Variants in HACL1 observed in about 807,000 individuals in gnomAD.
HACL1 encodes the protein 1600020H07Rik.
A neutral mutation model predicts 74.2 loss-of-function variants in HACL1; 64 were observed. The observed-to-expected ratio is 0.86, with a 90% confidence interval of 0.70 to 1.06. HACL1 has a LOEUF of 1.06. HACL1 is among the 50% of genes least tolerant of loss of function. The probability of loss-of-function intolerance (pLI) is 0.00; values close to 1 mark genes in which losing one functional copy is unlikely to be tolerated. For missense variants in HACL1, 728 were observed against 719.7 expected, an observed-to-expected ratio of 1.01 and a Z score of -0.13; for synonymous variants, 230 against 238.8, an observed-to-expected ratio of 0.96 and a Z score of 0.34.
intron 9 of HACL1, among the ~76,000 whole-genome samples, chr3:15,577,551 G>A (rs143828032): frequency 2.1e-4 from 31 of 150,874 alleles, no homozygotes; most frequent in African/African-American, 7.0e-4. Flanking sequence ...AGCACTTTGC[G>A]AGGCCTAGAA....
Position 15,587,964 on chromosome 3 carries a change from G to C in HACL1, c.382-1362C>G, listed in dbSNP as rs149080327. Reference sequence around the variant, plus strand: ...ACTGGAGTACAGTGGTACGATCTCGGCTCACTGTAACCTCTGCCTCCTGGG... The same window carrying C: ...ACTGGAGTACAGTGGTACGATCTCGCCTCACTGTAACCTCTGCCTCCTGGG... On this transcript the variant is annotated intron_variant, in intron 5 of 16. Transcript: ENST00000321169. Among the ~76,000 whole-genome samples the C allele has an allele frequency of 1.2e-4, 19 of 152,080 alleles. 1 individual carries two copies. The East Asian group carries it at 3.7e-3, about 29-fold the overall frequency.
At chr3:15,594,136 G>T (rs540709260) in intron 3 of HACL1, among the ~76,000 whole-genome samples, 2 of 152,276 alleles carry the variant, frequency 1.3e-5, no homozygotes, top group East Asian at 3.9e-4. Context: ...GGCTGAGCAC[G>T]GTGGCTGACG....
At chr3:15,585,456 T>G in intron 6 of HACL1, 114 bp from the exon 7 acceptor site, 1 of 649,478 alleles carries the variant, frequency 1.5e-6, no homozygotes, top group East Asian at 2.7e-5. Context: ...TGGACATCCT[T>G]GTGGAGAAAA....
rs142455762 is a variant in HACL1, at chr3:15,594,867, C to T, written c.227+1517G>A. Among the ~76,000 whole-genome samples the T allele has an allele frequency of 1.4e-4, 21 of 152,350 alleles. No individual in the cohort carries two copies. The East Asian group carries it at 2.9e-3, about 21-fold the overall frequency. On this transcript the variant is annotated intron_variant, in intron 3 of 16. Coordinates refer to ENST00000321169, the MANE Select transcript of HACL1 (RefSeq NM_012260.4). ...CTTTTCGGCCGGGCATGGTGGCTCA[C>T]GCCTGTAATCCCAGCCCTTTGGGAG... is the stretch of plus-strand genomic sequence containing the variant.
At chr3:15,563,049 C>T (rs1380764552) in intron 16 of HACL1, among the ~76,000 whole-genome samples, 2 of 152,116 alleles carry the variant, frequency 1.3e-5, no homozygotes, top group Admixed American at 1.3e-4. Context: ...TCCTTTCCTT[C>T]CAAGTAATTG....
intron 3 of HACL1, among the ~76,000 whole-genome samples, chr3:15,593,688 T>C (rs546830674): frequency 6.6e-6 from 1 of 150,388 alleles, no homozygotes; most frequent in African/African-American, 2.4e-5. Flanking sequence ...TGAAAAAAGG[T>C]TTTTTTTTCA....
intron 12 of HACL1, 89 bp downstream of exon 12, chr3:15,571,579 A>AT: frequency 7.9e-6 from 6 of 761,116 alleles, no homozygotes; most frequent in African/African-American, 1.8e-5. Context: ...CATCAAGGTG[A>AT]TTTTTAGGAA....
At position 15,591,810 on chromosome 3, in the gene HACL1, C is replaced by A; in HGVS notation, c.228-130G>T. 5.4e-6 allele frequency: 3 copies of A among 560,048 alleles called. 1 individual carries two copies. The highest frequency in any genetic ancestry group is 4.4e-5 in the South Asian group (2 of 45,212). 34.7% of individuals were successfully genotyped at this position (560,048 alleles called of 1,614,324 possible). On this transcript the variant is annotated intron_variant, in intron 3 of 16. Transcript: ENST00000321169. Reference sequence around the variant, plus strand: ...CAAGTCTTTACTATAACTGATAAAACAATTATTAGAATATTTTTAATTAAA... The same window carrying A: ...CAAGTCTTTACTATAACTGATAAAAAAATTATTAGAATATTTTTAATTAAA...
At chr3:15,566,500 C>G (rs1187602892) in intron 14 of HACL1, among the ~76,000 whole-genome samples, 1 of 152,042 alleles carries the variant, frequency 6.6e-6, no homozygotes, top group Non-Finnish European at 1.5e-5. Context: ...CAAAAAAATA[C>G]AAAAAATTAG....
rs541574290 is a variant in HACL1 at position 15,569,003 on chromosome 3, T to A, written c.1096-417A>T. 1.6e-4 allele frequency among the ~76,000 whole-genome samples: 24 copies of A among 152,318 alleles called. No homozygotes were observed. In the South Asian group the frequency reaches 5.0e-3, roughly 32 times the overall value. On this transcript the variant is annotated intron_variant, in intron 12 of 16. Transcript: ENST00000321169. ...AATATTTTCATCTGAACTATGACCC[T>A]AAACTTAAAATGTCACAATTTTAGA...
chr3:15,580,795 C>A lies in HACL1; in HGVS notation c.668-750G>T, dbSNP rs1457545837. Reference sequence around the variant, plus strand: ...TCTACACAAGGCCTCCTAGTCCAGGCATGGAAATTCTAAGGTGCATTAAGT... The same window carrying A: ...TCTACACAAGGCCTCCTAGTCCAGGAATGGAAATTCTAAGGTGCATTAAGT... On this transcript the variant is annotated intron_variant, in intron 8 of 16. Transcript: ENST00000321169. Among the ~76,000 whole-genome samples, 5 of 152,230 alleles carry A rather than the reference C, an allele frequency of 3.3e-5. No homozygotes were observed. The East Asian group carries it at 9.6e-4, about 29-fold the overall frequency.
chr3:15,568,039 G>C lies in HACL1; in HGVS notation c.1251-37C>G. 4.4e-6 allele frequency: 7 copies of C among 1,586,494 alleles called. No homozygotes were observed. In the South Asian group the frequency reaches 7.7e-5, roughly 18 times the overall value. ...CAAAGTTAAAATGAAACCCTCTGGGGCATGTCATAGAGGATGGGATTGGCA... is the reference window on the plus strand; with the variant it reads ...CAAAGTTAAAATGAAACCCTCTGGGCCATGTCATAGAGGATGGGATTGGCA... On this transcript the variant is annotated intron_variant, in intron 13 of 16. Coordinates refer to ENST00000321169, the MANE Select transcript of HACL1 (RefSeq NM_012260.4).
chr3:15,584,140 A>G (rs1057402198), intron 7 of HACL1, among the ~76,000 whole-genome samples: 2 of 152,230 alleles, frequency 1.3e-5, no homozygotes, highest in Non-Finnish European at 2.9e-5. Flanking sequence ...ATTTAGACAT[A>G]TAATAAAAAA....
intron 5 of HACL1, among the ~76,000 whole-genome samples, chr3:15,587,765 T>C (rs1027677613): frequency 6.6e-6 from 1 of 152,232 alleles, no homozygotes; most frequent in Non-Finnish European, 1.5e-5. Context: ...TCTAAGAGTA[T>C]AAAAATATAA....
chr3:15,584,374 G>T (rs1368355016), intron 7 of HACL1, among the ~76,000 whole-genome samples: 1 of 151,966 alleles, frequency 6.6e-6, no homozygotes, highest in Admixed American at 6.6e-5. Flanking sequence ...TGGATCACAA[G>T]GTCAGGAGTT....
chr3:15,593,782 G>GTTTT (rs200160002), intron 3 of HACL1, among the ~76,000 whole-genome samples: 2 of 123,726 alleles, frequency 1.6e-5, no homozygotes. Context: ...AATGTTTTGT[G>GTTTT]TTTTTTTTTT....
chr3:15,592,533 T>C (rs894207952), intron 3 of HACL1, among the ~76,000 whole-genome samples: 7 of 143,556 alleles, frequency 4.9e-5, no homozygotes, highest in African/African-American at 1.8e-4. Flanking sequence ...TATACACATG[T>C]ATACACATGT....
chr3:15,601,536 A>G lies in HACL1; in HGVS notation c.-73T>C, dbSNP rs2019160. 1,533,019 of 1,606,886 alleles carry G rather than the reference A, an allele frequency of 0.95. 731,508 individuals are homozygous for G. The highest frequency in any genetic ancestry group is 0.99 in the East Asian group (44,589 of 44,866). On this transcript the variant is annotated 5_prime_UTR_variant, in exon 1 of 17. Coordinates refer to ENST00000321169, the MANE Select transcript of HACL1 (RefSeq NM_012260.4). ...AATCATCCAGCAAGGCAAACGCGAA[A>G]TCGGCAGCACGCCACCTCTGGTACT...
At chr3:15,599,400 G>C (rs201635326) in intron 2 of HACL1, among the ~76,000 whole-genome samples, 1 of 152,074 alleles carries the variant, frequency 6.6e-6, no homozygotes, top group Non-Finnish European at 1.5e-5. Context: ...CTTCGTAGCT[G>C]GGATTACTGG....
Sources: allele counts gnomAD v4.1 joint callset (sites outside exome capture counted in the v4.1 genomes callset), GRCh38; gene constraint gnomAD v4.1.1; transcripts MANE v1.5; gene names NCBI Gene and HGNC (gene_info 2026-07-23, HGNC 2026-07-21).